Variants in DMRT1 observed in about 807,000 individuals in gnomAD.
DMRT1 encodes doublesex- and mab-3-related transcription factor 1.
A neutral mutation model predicts 32.3 loss-of-function variants in DMRT1; 7 were observed. That is an observed-to-expected ratio of 0.22 (90% CI 0.12 to 0.41). The LOEUF (loss-of-function observed/expected upper bound fraction) is 0.41. Among genes scored for constraint, DMRT1 ranks in the 10% least tolerant of loss-of-function variants. The probability of loss-of-function intolerance (pLI) is 1.00; values close to 1 mark genes in which losing one functional copy is unlikely to be tolerated. For missense variants in DMRT1, 625 were observed against 500.5 expected (o/e 1.25, Z -2.37); for synonymous variants, 278 against 206.1 (o/e 1.35, Z -2.99).
intron 2 of DMRT1, among the ~76,000 whole-genome samples, chr9:877,864 A>G (rs56151757): frequency 6.6e-6 from 1 of 152,006 alleles, no homozygotes; most frequent in Non-Finnish European, 1.5e-5. Flanking sequence ...AGAAAAGTAC[A>G]CCTGGAAGAG....
intron 4 of DMRT1, among the ~76,000 whole-genome samples, chr9:940,281 A>G (rs146134738): frequency 6.6e-6 from 1 of 152,330 alleles, no homozygotes; most frequent in East Asian, 1.9e-4. Context: ...CAGCAGCATT[A>G]TTTCACAGTA....
chr9:900,554 G>T (rs1211072506), intron 3 of DMRT1, among the ~76,000 whole-genome samples: 1 of 151,942 alleles, frequency 6.6e-6, no homozygotes, highest in Non-Finnish European at 1.5e-5. Context: ...GGAGCCATGG[G>T]AAGACAAGGC....
chr9:933,979 C>A (rs1017011720), intron 4 of DMRT1, among the ~76,000 whole-genome samples: 1 of 150,284 alleles, frequency 6.7e-6, no homozygotes, highest in Admixed American at 6.6e-5. Flanking sequence ...TGACTGCTAA[C>A]AGAATTAGTT....
At chr9:947,104 C>T (rs1819271265) in intron 4 of DMRT1, among the ~76,000 whole-genome samples, 1 of 152,182 alleles carries the variant, frequency 6.6e-6, no homozygotes, top group Non-Finnish European at 1.5e-5. Flanking sequence ...AGGAATTGAA[C>T]CCTACCCCAT....
chr9:849,585 T>C (rs182945106), intron 2 of DMRT1, among the ~76,000 whole-genome samples: 1 of 152,236 alleles, frequency 6.6e-6, no homozygotes, highest in East Asian at 1.9e-4. Flanking sequence ...TAGGGAAAGT[T>C]ACAAAAGGAA....
Position 928,846 on chromosome 9 carries a change from T to A in DMRT1, c.967+11939T>A, listed in dbSNP as rs531547705. On this transcript the variant is annotated intron_variant, in intron 4 of 4. Coordinates refer to ENST00000382276, the MANE Select transcript of DMRT1 (RefSeq NM_021951.3). ...ATTTAAATTTTATTTATTTATTTAT[T>A]TTTATTTATTTATTTATTTATTTAT... Among the ~76,000 whole-genome samples the A allele has an allele frequency of 2.1e-3, 321 of 151,084 alleles. 4 individuals carry two copies. The South Asian group carries it at 0.022, about 10-fold the overall frequency.
At chr9:899,379 C>A (rs916497558) in intron 3 of DMRT1, among the ~76,000 whole-genome samples, 1 of 152,154 alleles carries the variant, frequency 6.6e-6, no homozygotes, top group African/African-American at 2.4e-5. Context: ...TAAAAACAAG[C>A]AAGCCACGAA....
chr9:861,528 C>T (rs966707875), intron 2 of DMRT1, among the ~76,000 whole-genome samples: 9 of 152,340 alleles, frequency 5.9e-5, no homozygotes, highest in African/African-American at 1.4e-4. Context: ...CTTTTCTATT[C>T]GACAAAACCG....
At chr9:893,883 T>C in intron 2 of DMRT1, 29 bp from the exon 3 acceptor site, 2 of 1,603,472 alleles carry the variant, frequency 1.2e-6, no homozygotes, top group East Asian at 2.2e-5. Flanking sequence ...TAATACCATG[T>C]TGTATTTTTC....
intron 3 of DMRT1, among the ~76,000 whole-genome samples, chr9:909,755 C>T (rs2129730089): frequency 6.6e-6 from 1 of 152,156 alleles, no homozygotes; most frequent in Non-Finnish European, 1.5e-5. Context: ...AATCTGTCAC[C>T]CAGGTTGGAG....
chr9:846,750 G>A (rs1340882497), intron 1 of DMRT1, among the ~76,000 whole-genome samples: 1 of 152,144 alleles, frequency 6.6e-6, no homozygotes, highest in Non-Finnish European at 1.5e-5. Context: ...CTGGCAACAA[G>A]CATTTTTTGA....
chr9:876,679 G>A (rs907476250), intron 2 of DMRT1, among the ~76,000 whole-genome samples: 31 of 152,076 alleles, frequency 2.0e-4, no homozygotes, highest in Admixed American at 6.5e-4. Flanking sequence ...CTATAGGCTC[G>A]TGCCACTATG....
intron 2 of DMRT1, among the ~76,000 whole-genome samples, chr9:864,020 C>G (rs1288522322): frequency 6.6e-6 from 1 of 151,930 alleles, no homozygotes; most frequent in African/African-American, 2.4e-5. Context: ...GGACAGACTG[C>G]GGGGTGATAA....
rs56001159 is a variant in DMRT1 at position 881,944 on chromosome 9, A to G, written c.539-11968A>G. 8.1e-3 allele frequency among the ~76,000 whole-genome samples: 1,241 copies of G among 152,366 alleles called. 17 individuals carry two copies. The highest frequency in any genetic ancestry group is 0.028 in the African/African-American group (1,165 of 41,592). On this transcript the variant is annotated intron_variant, in intron 2 of 4. Coordinates refer to ENST00000382276, the MANE Select transcript of DMRT1 (RefSeq NM_021951.3). ...GGTAGGACATTCTGAATTGGCCTAAAGAGAGAAATCTCTGTCTTGGCCGTG... is the reference window on the plus strand; with the variant it reads ...GGTAGGACATTCTGAATTGGCCTAAGGAGAGAAATCTCTGTCTTGGCCGTG...
chr9:846,932 A>AG (rs1204733718), intron 1 of DMRT1, 28 bp from the exon 2 acceptor site: 3 of 1,613,762 alleles, frequency 1.9e-6, no homozygotes, highest in Non-Finnish European at 2.5e-6. Flanking sequence ...GGAGTGCTGG[A>AG]GGATGACTCA....
chr9:932,224 C>T (rs979484740), intron 4 of DMRT1, among the ~76,000 whole-genome samples: 2 of 152,212 alleles, frequency 1.3e-5, no homozygotes, highest in Non-Finnish European at 2.9e-5. Context: ...TCCATGCCAT[C>T]TTTGCCTTTT....
intron 4 of DMRT1, among the ~76,000 whole-genome samples, chr9:947,943 G>A (rs1310028965): frequency 6.6e-6 from 1 of 152,210 alleles, no homozygotes; most frequent in African/African-American, 2.4e-5. Context: ...CAGCCATGCT[G>A]TGTTTCTGTT....
At chr9:901,277 A>G (rs975107100) in intron 3 of DMRT1, among the ~76,000 whole-genome samples, 3 of 151,918 alleles carry the variant, frequency 2.0e-5, no homozygotes, top group Non-Finnish European at 4.4e-5. Flanking sequence ...CTGGCCTCCC[A>G]CAGTGCTGGG....
intron 4 of DMRT1, among the ~76,000 whole-genome samples, chr9:943,380 C>T (rs1819140660): frequency 6.6e-6 from 1 of 152,218 alleles, no homozygotes; most frequent in South Asian, 2.1e-4. Flanking sequence ...ATAGTCTCAT[C>T]TCCATGCAGG....
Sources: gnomAD v4.1 joint callset for allele counts (sites outside exome capture counted in the v4.1 genomes callset) on GRCh38, gnomAD v4.1.1 for gene constraint, MANE v1.5 for transcripts, NCBI Gene and HGNC (gene_info 2026-07-23, HGNC 2026-07-21) for gene names.